The following ASNS variants were observed in gnomAD, a reference collection of about 807,000 sequenced individuals.
ASNS encodes the protein asparagine synthetase (glutamine-hydrolyzing), also known as asparagine synthetase [glutamine-hydrolyzing].
A neutral mutation model predicts 62.6 loss-of-function variants in ASNS; 37 were observed. The observed-to-expected ratio is 0.59, with a 90% CI of 0.45 to 0.78. The LOEUF (loss-of-function observed/expected upper bound fraction) is 0.78. Ranked by LOEUF, ASNS falls within the 30% of genes least tolerant of loss-of-function variation. The pLI is 0.00. For missense variants in ASNS, 520 were observed against 682.4 expected, an observed-to-expected ratio of 0.76 and a Z score of 2.65; for synonymous variants, 207 against 237.9, an observed-to-expected ratio of 0.87 and a Z score of 1.19.
chr7:97,920,011 CT>C, the ASNS span, among the ~76,000 whole-genome samples: 3,095 of 143,058 alleles, frequency 0.022, 35 homozygotes, highest in Non-Finnish European at 0.034. Context: ...CTTGTCCTGA[CT>C]TTTTTTTTTT....
At chr7:97,927,073 T>G in the ASNS span, among the ~76,000 whole-genome samples, 17 of 42,396 alleles carry the variant, frequency 4.0e-4, no homozygotes, top group Admixed American at 1.0e-3. Context: ...ACACCTGGCT[T>G]TTTTTTTTTT....
chr7:97,854,965 T>C (rs1458183341), intron 9 of ASNS: 2 of 415,238 alleles, frequency 4.8e-6, no homozygotes, highest in African/African-American at 4.2e-5. Flanking sequence ...TTTTATTTAT[T>C]TATTTTTAAC....
At chr7:97,918,628 T>A in the ASNS span, among the ~76,000 whole-genome samples, 4 of 152,178 alleles carry the variant, frequency 2.6e-5, no homozygotes, top group Non-Finnish European at 2.9e-5. Flanking sequence ...AATAAACACA[T>A]ATGCAAATAC....
rs145126904 is a variant in ASNS at position 97,856,574 on chromosome 7, T to C, written c.1030+116A>G. The C allele has an allele frequency of 1.8e-4, 172 of 945,182 alleles. 1 individual carries two copies. The African/African-American group carries it at 2.4e-3, about 13-fold the overall frequency. 58.5% of individuals were successfully genotyped at this position (945,182 alleles called of 1,614,324 possible). On this transcript the variant is annotated intron_variant, in intron 8 of 12. Coordinates refer to ENST00000394308, the MANE Select transcript of ASNS (RefSeq NM_001673.5). The stretch of plus-strand genomic sequence containing the variant: ...ATAATCAGTAACATAGGGATTTAAT[T>C]TGCATTCATCCTTAAATAACATTTT...
Position 97,853,345 on chromosome 7 carries a change from G to A in ASNS, c.1280C>T (p.Ser427Phe), listed in dbSNP as rs753038843. 2.5e-6 allele frequency: 4 copies of A among 1,613,124 alleles called. No individual in the cohort carries two copies. Among genetic ancestry groups the A allele is most frequent in the East Asian group, 2.2e-5 (1 of 44,858 alleles). ...RVPFLDHRFS[S>F]YYLSLPPEMR... ...TTCTGGTGGCAGAGACAAGTAATAGGAAGAAAATCGATGATCTAGAAATGG... is the reference window on the plus strand; with the variant it reads ...TTCTGGTGGCAGAGACAAGTAATAGAAAGAAAATCGATGATCTAGAAATGG... Residue 427 changes from serine to phenylalanine, a missense_variant, in exon 11 of 13, where the codon TCC (serine) becomes TTC (phenylalanine). Transcript: ENST00000394308.
At chr7:97,896,737 CACACATATATATATATATATATAT>C in the ASNS span, among the ~76,000 whole-genome samples, 1 of 30,518 alleles carries the variant, frequency 3.3e-5, no homozygotes, top group East Asian at 1.2e-3. Context: ...CACACACACA[CACACATATATATATATATATATAT>C]ATATATATAC....
the ASNS span, among the ~76,000 whole-genome samples, chr7:97,919,831 A>C: frequency 2.4e-3 from 360 of 151,932 alleles, 1 homozygote; most frequent in Non-Finnish European, 3.8e-3. Flanking sequence ...AACAGCCTGA[A>C]CACAAGGAAA....
At chr7:97,921,895 A>G in the ASNS span, among the ~76,000 whole-genome samples, 6 of 152,164 alleles carry the variant, frequency 3.9e-5, no homozygotes, top group African/African-American at 1.4e-4. Flanking sequence ...TCTCCATTAC[A>G]CTTCCAGCAA....
At chr7:97,859,158 T>G in intron 5 of ASNS, 55 bp downstream of exon 5, 1 of 1,546,608 alleles carries the variant, frequency 6.5e-7, no homozygotes, top group Non-Finnish European at 8.7e-7. Flanking sequence ...GAATACAACT[T>G]AAAATTTTTT....
the ASNS span, among the ~76,000 whole-genome samples, chr7:97,886,257 C>G: frequency 6.6e-6 from 1 of 152,214 alleles, no homozygotes; most frequent in Non-Finnish European, 1.5e-5. Flanking sequence ...AAGCGATTCC[C>G]CTGCCTCAGC....
the ASNS span, among the ~76,000 whole-genome samples, chr7:97,888,322 C>T: frequency 5.4e-5 from 8 of 148,120 alleles, no homozygotes; most frequent in African/African-American, 1.0e-4. Context: ...CAGTGGGTTG[C>T]TTTCTTTTTT....
chr7:97,909,217 T>A, the ASNS span, among the ~76,000 whole-genome samples: 12 of 151,918 alleles, frequency 7.9e-5, no homozygotes, highest in African/African-American at 2.7e-4. Context: ...TGGTATCCTA[T>A]GGTTTTTGTT....
At position 97,864,480 on chromosome 7, in the gene ASNS, T is replaced by C; in HGVS notation, c.266A>G (p.Glu89Gly). The C allele has an allele frequency of 6.2e-7, 1 of 1,613,732 alleles. No homozygotes were observed. Among genetic ancestry groups the C allele is most frequent in the Non-Finnish European group, 8.5e-7 (1 of 1,179,750 alleles). The change falls in exon 4 of 13, where the codon GAA becomes GGA. Residue 89 changes from glutamate (E) to glycine (G), a missense_variant. Glu to Gly is a moderately conservative substitution (Grantham distance 98, BLOSUM62 -2). Coordinates refer to ENST00000394308, the MANE Select transcript of ASNS (RefSeq NM_001673.5). ...ATCCACTTTGGTCTGGTATTCAAAT[T>C]CAAAATGCTGTTGCATCTTAGGAAG... ...YNHKKMQQHFEFEYQTKVDGE... is the reference protein window; with the variant it reads ...YNHKKMQQHFGFEYQTKVDGE...
At chr7:97,896,741 C>CACACACACACACATATATAT in the ASNS span, among the ~76,000 whole-genome samples, 1 of 19,782 alleles carries the variant, frequency 5.1e-5, no homozygotes, top group African/African-American at 1.1e-4. Context: ...CACACACACA[C>CACACACACACACATATATAT]ATATATATAT....
chr7:97,871,511 A>T (rs1792257538), intron 1 of ASNS, among the ~76,000 whole-genome samples: 1 of 152,034 alleles, frequency 6.6e-6, no homozygotes, highest in Non-Finnish European at 1.5e-5. Context: ...TTTAAAAAAA[A>T]AAACTGCTGT....
intron 4 of ASNS, 109 bp downstream of exon 4, chr7:97,864,150 A>T: frequency 3.2e-6 from 3 of 931,074 alleles, no homozygotes; most frequent in Non-Finnish European, 4.8e-6. Flanking sequence ...CTCATAACTT[A>T]GTCACTTGTA....
the ASNS span, among the ~76,000 whole-genome samples, chr7:97,879,885 T>G: frequency 2.6e-5 from 4 of 152,218 alleles, no homozygotes; most frequent in Admixed American, 2.0e-4. Context: ...GAGCGAAATG[T>G]AGAACCTGGA....
the ASNS span, among the ~76,000 whole-genome samples, chr7:97,902,098 G>A: frequency 6.6e-6 from 1 of 152,170 alleles, no homozygotes; most frequent in Non-Finnish European, 1.5e-5. Context: ...AAGTCCATTT[G>A]GAAAGCTCAA....
the ASNS span, among the ~76,000 whole-genome samples, chr7:97,891,639 A>G: frequency 5.9e-5 from 9 of 152,304 alleles, no homozygotes; most frequent in South Asian, 1.9e-3. Flanking sequence ...TGTCAAAACA[A>G]AGGGGCTACA....
Sources: allele counts gnomAD v4.1 joint callset (sites outside exome capture counted in the v4.1 genomes callset), GRCh38; gene constraint gnomAD v4.1.1; transcripts MANE v1.5; gene names NCBI Gene and HGNC (gene_info 2026-07-23, HGNC 2026-07-21).